EMID1: variants seen among roughly 807,000 people sequenced by gnomAD.
EMID1 encodes EMI domain-containing protein 1.
A neutral mutation model predicts 60.6 loss-of-function variants in EMID1; 40 were observed. That is an observed-to-expected ratio of 0.66 (90% CI 0.51 to 0.86). EMID1 has a LOEUF of 0.86. EMID1 is among the 40% of genes least tolerant of loss of function. The pLI is 0.00. For missense variants in EMID1, 585 were observed against 597.1 expected, an observed-to-expected ratio of 0.98 and a Z score of 0.21; for synonymous variants, 242 against 231.0, an observed-to-expected ratio of 1.05 and a Z score of -0.43.
At chr22:29,217,452 G>A (rs7284245) in intron 3 of EMID1, among the ~76,000 whole-genome samples, 1 of 152,188 alleles carries the variant, frequency 6.6e-6, no homozygotes, top group African/African-American at 2.4e-5. Flanking sequence ...CCTTGGGCCG[G>A]GGACTTCCCG....
At chr22:29,240,343 G>A (rs961529376) in intron 12 of EMID1, among the ~76,000 whole-genome samples, 1 of 152,292 alleles carries the variant, frequency 6.6e-6, no homozygotes, top group East Asian at 1.9e-4. Context: ...GAGAAAAGCT[G>A]AGTGTTGGGA....
chr22:29,237,878 C>T (rs2041013334), intron 12 of EMID1, among the ~76,000 whole-genome samples: 1 of 144,224 alleles, frequency 6.9e-6, no homozygotes, highest in Non-Finnish European at 1.5e-5. Context: ...TTATTTTTTC[C>T]CAGTTGGCTT....
chr22:29,214,764 C>G (rs1008562448), intron 1 of EMID1, among the ~76,000 whole-genome samples, 162 bp from the exon 2 acceptor site: 1 of 152,164 alleles, frequency 6.6e-6, no homozygotes, highest in African/African-American at 2.4e-5. Flanking sequence ...GGGACTCCCC[C>G]CAGCCATTTG....
chr22:29,230,044 A>G (rs2040671020), intron 5 of EMID1, among the ~76,000 whole-genome samples: 1 of 152,164 alleles, frequency 6.6e-6, no homozygotes, highest in South Asian at 2.1e-4. Context: ...TTCCAAATTT[A>G]GTGAAAGGCC....
intron 12 of EMID1, 92 bp downstream of exon 12, chr22:29,234,441 T>G: frequency 7.1e-7 from 1 of 1,417,308 alleles, no homozygotes; most frequent in Non-Finnish European, 9.7e-7. Flanking sequence ...CCAGAGCTTC[T>G]AACCCTCCCT....
At chr22:29,226,345 A>G in intron 4 of EMID1, 145 bp from the exon 5 acceptor site, 1 of 821,630 alleles carries the variant, frequency 1.2e-6, no homozygotes, top group East Asian at 3.0e-5. Flanking sequence ...GTGATCCTAT[A>G]GCCCTTCCCA....
intron 3 of EMID1, among the ~76,000 whole-genome samples, chr22:29,223,878 T>C (rs755154473): frequency 7.2e-5 from 11 of 152,358 alleles, no homozygotes; most frequent in South Asian, 2.1e-4. Flanking sequence ...GGGTAAATGC[T>C]AAACAAGAGT....
At chr22:29,256,810 G>A (rs779613073) in intron 14 of EMID1, among the ~76,000 whole-genome samples, 122 of 152,220 alleles carry the variant, frequency 8.0e-4, no homozygotes, top group Admixed American at 9.1e-4. Flanking sequence ...GAAGTGGGTC[G>A]GGCAGCCTTG....
chr22:29,252,529 T>C (rs529613691), intron 13 of EMID1, among the ~76,000 whole-genome samples: 23 of 152,326 alleles, frequency 1.5e-4, no homozygotes, highest in African/African-American at 4.1e-4. Context: ...GAAATAGCTT[T>C]GGTCTGGACT....
chr22:29,232,413 C>T lies in EMID1; in HGVS notation c.823+11C>T. On this transcript the variant is annotated intron_variant, in intron 8 of 14. Transcript: ENST00000334018. Reference sequence around the variant, plus strand: ...GGATCTCCCAGCATGGTGAGTCCCCCTGGGATCCCAGCAGGTGGAGGTGGG... The same window carrying T: ...GGATCTCCCAGCATGGTGAGTCCCCTTGGGATCCCAGCAGGTGGAGGTGGG... The T allele has an allele frequency of 1.3e-6, 2 of 1,554,534 alleles. No individual in the cohort carries two copies. The highest frequency in any genetic ancestry group is 8.7e-7 in the Non-Finnish European group (1 of 1,153,320).
intron 1 of EMID1, among the ~76,000 whole-genome samples, chr22:29,206,879 C>T (rs774898797): frequency 2.0e-5 from 3 of 152,228 alleles, no homozygotes; most frequent in Non-Finnish European, 4.4e-5. Context: ...ATCTTTTAGC[C>T]TCATGGGCTA....
chr22:29,229,398 C>G (rs575345764), intron 5 of EMID1, among the ~76,000 whole-genome samples: 5 of 152,194 alleles, frequency 3.3e-5, no homozygotes, highest in African/African-American at 1.2e-4. Flanking sequence ...AATCCCAGCA[C>G]TTTGGGAAGC....
At chr22:29,229,001 T>C (rs2040630753) in intron 5 of EMID1, among the ~76,000 whole-genome samples, 5 of 152,212 alleles carry the variant, frequency 3.3e-5, no homozygotes. Flanking sequence ...ATTCATTCTA[T>C]GGGGCATTCA....
At position 29,233,391 on chromosome 22, in the gene EMID1, TGTC is replaced by T; in HGVS notation, c.837_839del (p.Ser280del). 6.2e-7 allele frequency: 1 copy of T among 1,614,052 alleles called. No individual in the cohort carries two copies. Among genetic ancestry groups the T allele is most frequent in the Non-Finnish European group, 8.5e-7 (1 of 1,179,904 alleles). ...TTTGCTCACCCAGGAGACCCATTGC[TGTC>T]CAACACCTTCACTGAGACCAACAAC... On this transcript the variant is annotated inframe_deletion, in exon 9 of 15. Transcript: ENST00000334018.
At chr22:29,220,999 A>G (rs377487523) in intron 3 of EMID1, among the ~76,000 whole-genome samples, 3 of 145,792 alleles carry the variant, frequency 2.1e-5, no homozygotes, top group East Asian at 2.1e-4. Flanking sequence ...CTGTTTGGGA[A>G]GGCTTCCTGG....
At chr22:29,225,271 G>A in intron 4 of EMID1, 55 bp downstream of exon 4, 2 of 1,583,348 alleles carry the variant, frequency 1.3e-6, no homozygotes, top group Non-Finnish European at 1.7e-6. Flanking sequence ...GCCCTGGAGG[G>A]GGCTCAGGGC....
chr22:29,248,849 A>G (rs1036799170), intron 13 of EMID1, among the ~76,000 whole-genome samples: 4 of 152,088 alleles, frequency 2.6e-5, no homozygotes, highest in African/African-American at 9.7e-5. Context: ...TCAAAAATAA[A>G]TAAGTAAGTA....
chr22:29,216,347 C>A, intron 3 of EMID1: 2 of 985,458 alleles, frequency 2.0e-6, no homozygotes, highest in Non-Finnish European at 2.4e-6. Context: ...GCTGAGCAGC[C>A]CAGGCCTCTC....
intron 3 of EMID1, among the ~76,000 whole-genome samples, chr22:29,222,202 T>A (rs1485865826): frequency 6.6e-6 from 1 of 152,030 alleles, no homozygotes; most frequent in Non-Finnish European, 1.5e-5. Context: ...CAAGCTATCC[T>A]CCCGTATCAG....
Sources: allele counts gnomAD v4.1 joint callset (sites outside exome capture counted in the v4.1 genomes callset), GRCh38; gene constraint gnomAD v4.1.1; transcripts MANE v1.5; gene names NCBI Gene and HGNC (gene_info 2026-07-23, HGNC 2026-07-21).